GRIP1: variants seen among roughly 807,000 people sequenced by gnomAD.
GRIP1 encodes glutamate receptor interacting protein 1.
Under a neutral mutation model 129.9 loss-of-function variants are expected in GRIP1, and 45 were observed. The observed-to-expected ratio is 0.35, with a 90% CI of 0.27 to 0.44. The LOEUF (loss-of-function observed/expected upper bound fraction) is 0.44. Ranked by LOEUF, GRIP1 falls within the 20% of genes least tolerant of loss-of-function variation. The pLI, the probability that GRIP1 is intolerant of heterozygous loss-of-function variation, is 1.00. For missense variants in GRIP1, 1,196 were observed against 1,396.8 expected, an observed-to-expected ratio of 0.86 and a Z score of 2.29; for synonymous variants, 530 against 520.8, an observed-to-expected ratio of 1.02 and a Z score of -0.24.
intron 1 of GRIP1, among the ~76,000 whole-genome samples, chr12:67,051,663 T>G (rs927774245): frequency 6.6e-6 from 1 of 152,142 alleles, no homozygotes; most frequent in African/African-American, 2.4e-5. Flanking sequence ...GCCAGGGAGC[T>G]CCTAATGGCT....
chr12:66,409,296 C>A (rs2057304582), intron 15 of GRIP1, among the ~76,000 whole-genome samples: 1 of 152,108 alleles, frequency 6.6e-6, no homozygotes, highest in South Asian at 2.1e-4. Flanking sequence ...TTGTGTCACC[C>A]CACCACCCCT....
intron 1 of GRIP1, among the ~76,000 whole-genome samples, chr12:66,911,531 T>C (rs1405048542): frequency 6.6e-6 from 1 of 152,086 alleles, no homozygotes; most frequent in Admixed American, 6.6e-5. Flanking sequence ...AAAAAGGGAG[T>C]ATATTTTGGG....
chr12:66,956,197 C>T (rs560253809), intron 1 of GRIP1, among the ~76,000 whole-genome samples: 51 of 152,290 alleles, frequency 3.3e-4, no homozygotes, highest in African/African-American at 6.0e-4. Flanking sequence ...CATTAGTCAT[C>T]GGGCCTGTTT....
At chr12:66,507,577 A>G (rs557184599) in intron 7 of GRIP1, among the ~76,000 whole-genome samples, 18 of 152,366 alleles carry the variant, frequency 1.2e-4, no homozygotes, top group South Asian at 6.2e-4. Flanking sequence ...GATAATGCCA[A>G]TAAACCTATA....
At chr12:66,954,210 A>G (rs2041805137) in intron 1 of GRIP1, among the ~76,000 whole-genome samples, 1 of 152,070 alleles carries the variant, frequency 6.6e-6, no homozygotes. Context: ...TCTTTTCCTC[A>G]TGACATCGCT....
intron 4 of GRIP1, among the ~76,000 whole-genome samples, chr12:66,534,405 T>C (rs1364649203): frequency 6.6e-6 from 1 of 152,204 alleles, no homozygotes; most frequent in Non-Finnish European, 1.5e-5. Context: ...TTTGGGCTTG[T>C]AGCCTCTGGT....
chr12:66,864,840 T>A (rs541737566), intron 1 of GRIP1, among the ~76,000 whole-genome samples: 1 of 152,316 alleles, frequency 6.6e-6, no homozygotes, highest in Admixed American at 6.5e-5. Flanking sequence ...AAATCTCTTA[T>A]CTCTGGCATA....
chr12:66,429,324 A>G (rs1197111352), intron 14 of GRIP1, among the ~76,000 whole-genome samples: 1 of 152,182 alleles, frequency 6.6e-6, no homozygotes. Flanking sequence ...TTTCACTAAC[A>G]GTATCCGTGT....
chr12:66,890,415 C>T (rs2040639505), intron 1 of GRIP1, among the ~76,000 whole-genome samples: 1 of 152,090 alleles, frequency 6.6e-6, no homozygotes, highest in Non-Finnish European at 1.5e-5. Flanking sequence ...TTAGGTAAAA[C>T]TGATTTTAAC....
At chr12:67,049,503 T>C (rs1017444218) in intron 1 of GRIP1, among the ~76,000 whole-genome samples, 1 of 151,528 alleles carries the variant, frequency 6.6e-6, no homozygotes, top group African/African-American at 2.4e-5. Context: ...CAAGTGGGAG[T>C]TGAACAATGA....
chr12:66,996,427 C>T (rs186238234), intron 1 of GRIP1, among the ~76,000 whole-genome samples: 1 of 152,002 alleles, frequency 6.6e-6, no homozygotes, highest in East Asian at 1.9e-4. Context: ...GTAGCCAACA[C>T]CTGAGCCAAC....
At chr12:66,492,191 G>C (rs1489694162) in intron 7 of GRIP1, among the ~76,000 whole-genome samples, 1 of 151,690 alleles carries the variant, frequency 6.6e-6, no homozygotes, top group Middle Eastern at 3.2e-3. Flanking sequence ...AAGTATCCTA[G>C]TTCTTTCAGA....
chr12:66,938,759 C>T (rs933170430), intron 1 of GRIP1, among the ~76,000 whole-genome samples: 5 of 152,022 alleles, frequency 3.3e-5, no homozygotes, highest in East Asian at 2.0e-4. Context: ...GAGATCAAGA[C>T]CATCCTGGCC....
At chr12:66,944,634 G>A (rs1321858790) in intron 1 of GRIP1, among the ~76,000 whole-genome samples, 2 of 152,008 alleles carry the variant, frequency 1.3e-5, no homozygotes, top group African/African-American at 4.8e-5. Flanking sequence ...GAGGGTAGGG[G>A]TGAAAACAGG....
chr12:66,597,968 T>A (rs545250005), intron 1 of GRIP1, among the ~76,000 whole-genome samples: 85 of 152,288 alleles, frequency 5.6e-4, no homozygotes, highest in Non-Finnish European at 1.1e-3. Context: ...AAAATAATTA[T>A]CTAGCATATT....
intron 1 of GRIP1, among the ~76,000 whole-genome samples, chr12:66,921,561 A>G (rs939120919): frequency 6.6e-6 from 1 of 152,194 alleles, no homozygotes; most frequent in Non-Finnish European, 1.5e-5. Context: ...TGAACTCAGC[A>G]TAGTAGGGAT....
intron 1 of GRIP1, among the ~76,000 whole-genome samples, chr12:66,619,407 G>A (rs990505359): frequency 3.9e-5 from 6 of 152,198 alleles, no homozygotes; most frequent in Admixed American, 2.6e-4. Flanking sequence ...AGGAAAGAGA[G>A]CCATTACGGG....
chr12:66,524,899 T>C (rs1370747786), intron 5 of GRIP1, among the ~76,000 whole-genome samples: 4 of 151,988 alleles, frequency 2.6e-5, no homozygotes, highest in Admixed American at 6.6e-5. Context: ...ATACTACAAA[T>C]ACCTCTACGC....
chr12:66,866,384 A>G (rs2040204860), intron 1 of GRIP1, among the ~76,000 whole-genome samples: 1 of 152,170 alleles, frequency 6.6e-6, no homozygotes, highest in Non-Finnish European at 1.5e-5. Context: ...AAGGCAAGAG[A>G]ATCACTTGAG....
Sources: gnomAD v4.1 joint callset for allele counts (sites outside exome capture counted in the v4.1 genomes callset) on GRCh38, gnomAD v4.1.1 for gene constraint, MANE v1.5 for transcripts, NCBI Gene and HGNC (gene_info 2026-07-23, HGNC 2026-07-21) for gene names.